ZNF385D: variants seen among roughly 807,000 people sequenced by gnomAD.
ZNF385D encodes zinc finger protein 659.
ZNF385D carries 15 observed loss-of-function variants against 35.8 expected under a neutral mutation model. That is an observed-to-expected ratio of 0.42 (90% CI 0.28 to 0.64). The LOEUF is 0.64. Ranked by LOEUF, ZNF385D falls within the 30% of genes least tolerant of loss-of-function variation. The pLI is 0.23. For missense variants in ZNF385D, 474 were observed against 494.6 expected, an observed-to-expected ratio of 0.96 and a Z score of 0.39; for synonymous variants, 212 against 186.8, an observed-to-expected ratio of 1.13 and a Z score of -1.10.
chr3:21,620,986 A>ATG (rs755146147), intron 2 of ZNF385D, among the ~76,000 whole-genome samples: 1 of 151,566 alleles, frequency 6.6e-6, no homozygotes, highest in Admixed American at 6.6e-5. Flanking sequence ...AGGCATGCAC[A>ATG]TGTGTGTGTG....
intron 3 of ZNF385D, among the ~76,000 whole-genome samples, chr3:21,784,449 T>A (rs1575644165): frequency 1.3e-5 from 2 of 152,086 alleles, no homozygotes; most frequent in South Asian, 4.1e-4. Flanking sequence ...TTCAGATAAA[T>A]GGAAGCGATA....
intron 2 of ZNF385D, among the ~76,000 whole-genome samples, chr3:22,362,026 GTTATAA>G (rs755991765): frequency 2.0e-5 from 3 of 151,186 alleles, no homozygotes; most frequent in African/African-American, 4.8e-5. Flanking sequence ...GTTATTATTA[GTTATAA>G]TTATATTATT....
intron 3 of ZNF385D, among the ~76,000 whole-genome samples, chr3:22,076,314 T>A (rs1258435234): frequency 1.3e-5 from 2 of 151,942 alleles, no homozygotes; most frequent in African/African-American, 4.8e-5. Context: ...TACCCACTAT[T>A]CCCCAACCTT....
At chr3:21,593,166 C>G (rs528572892) in intron 2 of ZNF385D, among the ~76,000 whole-genome samples, 1 of 152,078 alleles carries the variant, frequency 6.6e-6, no homozygotes, top group African/African-American at 2.4e-5. Context: ...TGCTTGAGAT[C>G]TCTCAACTCA....
At chr3:21,685,412 GAC>G (rs2067072557) in intron 1 of ZNF385D, among the ~76,000 whole-genome samples, 1 of 152,190 alleles carries the variant, frequency 6.6e-6, no homozygotes, top group African/African-American at 2.4e-5. Flanking sequence ...GTTCATAAAA[GAC>G]AGCAGAAGTG....
intron 3 of ZNF385D, among the ~76,000 whole-genome samples, chr3:21,821,651 A>G (rs1694240019): frequency 6.6e-6 from 1 of 152,166 alleles, no homozygotes; most frequent in African/African-American, 2.4e-5. Flanking sequence ...TAAAATCACA[A>G]GGGGACTTGA....
At chr3:22,037,848 C>A (rs1040983499) in intron 3 of ZNF385D, among the ~76,000 whole-genome samples, 1 of 152,082 alleles carries the variant, frequency 6.6e-6, no homozygotes, top group African/African-American at 2.4e-5. Context: ...TTAGGTCTAA[C>A]AAAACAGCAT....
At chr3:21,523,744 A>T (rs1022100150) in intron 3 of ZNF385D, among the ~76,000 whole-genome samples, 2 of 151,394 alleles carry the variant, frequency 1.3e-5, no homozygotes, top group Non-Finnish European at 2.9e-5. Context: ...TATGTTCTCT[A>T]TTCTGTTAAC....
chr3:22,166,919 T>C (rs1706371138), intron 3 of ZNF385D, among the ~76,000 whole-genome samples: 1 of 152,234 alleles, frequency 6.6e-6, no homozygotes, highest in Admixed American at 6.5e-5. Context: ...TGGAATTGAA[T>C]CGTGCTGTAC....
intron 3 of ZNF385D, among the ~76,000 whole-genome samples, chr3:21,820,511 A>T (rs1298273058): frequency 1.3e-5 from 2 of 151,860 alleles, no homozygotes; most frequent in Non-Finnish European, 3.0e-5. Flanking sequence ...TAAAAAACTA[A>T]ATAAGCTATG....
At chr3:21,788,421 T>C (rs1334498531) in intron 3 of ZNF385D, among the ~76,000 whole-genome samples, 1 of 151,700 alleles carries the variant, frequency 6.6e-6, no homozygotes, top group African/African-American at 2.4e-5. Flanking sequence ...GAGGTTGCAG[T>C]GAGCTGAGAC....
At chr3:22,180,872 G>A (rs1403565234) in intron 2 of ZNF385D, among the ~76,000 whole-genome samples, 1 of 145,670 alleles carries the variant, frequency 6.9e-6, no homozygotes, top group East Asian at 2.0e-4. Flanking sequence ...GAATTGTGAT[G>A]AAGATTTCGG....
At chr3:22,020,768 C>A (rs1013968099) in intron 3 of ZNF385D, among the ~76,000 whole-genome samples, 5 of 151,894 alleles carry the variant, frequency 3.3e-5, no homozygotes, top group Non-Finnish European at 7.4e-5. Context: ...AGCAATCCCA[C>A]TACTGGGTAT....
chr3:22,145,178 T>C (rs931462614), intron 3 of ZNF385D, among the ~76,000 whole-genome samples: 3 of 152,214 alleles, frequency 2.0e-5, no homozygotes, highest in African/African-American at 7.2e-5. Context: ...AACTATAACA[T>C]ACTTTTTAAT....
chr3:21,939,062 T>C (rs922433920), intron 3 of ZNF385D, among the ~76,000 whole-genome samples: 9 of 152,116 alleles, frequency 5.9e-5, no homozygotes, highest in Admixed American at 2.6e-4. Context: ...CTAAACTAAT[T>C]TTCCATGCTG....
At chr3:21,868,711 C>A (rs1157518718) in intron 3 of ZNF385D, among the ~76,000 whole-genome samples, 1 of 152,114 alleles carries the variant, frequency 6.6e-6, no homozygotes, top group Non-Finnish European at 1.5e-5. Flanking sequence ...TATTAGTTCA[C>A]ATATGTAAAT....
chr3:21,555,320 A>G (rs1359455459), intron 3 of ZNF385D, among the ~76,000 whole-genome samples: 10 of 151,704 alleles, frequency 6.6e-5, no homozygotes, highest in Admixed American at 6.6e-4. Context: ...GCACCCATCA[A>G]CCTGTCATCT....
In ZNF385D at chr3:21,665,482, A is replaced by G. The variant is rs2066377126; in HGVS notation, c.23-454T>C. Among the ~76,000 whole-genome samples the G allele has an allele frequency of 2.6e-5, 4 of 152,218 alleles. No individual in the cohort carries two copies. The South Asian group carries it at 8.3e-4, about 31-fold the overall frequency. The stretch of plus-strand genomic sequence containing the variant: ...CTACCACATCCAAAACTCTGGCAGC[A>G]AGATTACATGAACTTGGCACATAAA... On this transcript the variant is annotated intron_variant, in intron 1 of 7. Coordinates refer to ENST00000281523, the MANE Select transcript of ZNF385D (RefSeq NM_024697.3).
At chr3:22,171,331 A>T (rs1290661168) in intron 2 of ZNF385D, among the ~76,000 whole-genome samples, 2 of 152,188 alleles carry the variant, frequency 1.3e-5, no homozygotes, top group Non-Finnish European at 2.9e-5. Flanking sequence ...AAATAAGAAC[A>T]TGTGCTAACA....
Sources: allele counts gnomAD v4.1 joint callset (sites outside exome capture counted in the v4.1 genomes callset), GRCh38; gene constraint gnomAD v4.1.1; transcripts MANE v1.5; gene names NCBI Gene and HGNC (gene_info 2026-07-23, HGNC 2026-07-21).